Variants in GRK5 observed in about 807,000 individuals in gnomAD.
GRK5 encodes the protein g protein-coupled receptor kinase GRK5.
Under a neutral mutation model 78.4 loss-of-function variants are expected in GRK5, and 40 were observed. That is an observed-to-expected ratio of 0.51 (90% CI 0.40 to 0.66). GRK5 has a LOEUF of 0.66. GRK5 is among the 30% of genes least tolerant of loss of function. The pLI is 0.00. For missense variants in GRK5, 598 were observed against 759.9 expected, an observed-to-expected ratio of 0.79 and a Z score of 2.50; for synonymous variants, 289 against 296.8, an observed-to-expected ratio of 0.97 and a Z score of 0.27.
At chr10:119,265,593 T>G (rs1456825529) in intron 1 of GRK5, among the ~76,000 whole-genome samples, 1 of 152,168 alleles carries the variant, frequency 6.6e-6, no homozygotes, top group Non-Finnish European at 1.5e-5. Flanking sequence ...ATATTGGACT[T>G]CCTAACTTTT....
At position 119,397,274 on chromosome 10, in the gene GRK5, C is replaced by T. The variant is rs114834129; in HGVS notation, c.339+502C>T. On this transcript the variant is annotated intron_variant, in intron 4 of 15. Coordinates refer to ENST00000392870, the MANE Select transcript of GRK5 (RefSeq NM_005308.3). The stretch of plus-strand genomic sequence containing the variant: ...GTCAGGGGCCACCCCGACCCCACCT[C>T]GGGGCCACCCACTGGATAGTTGAAG... Among the ~76,000 whole-genome samples, 171 of 152,318 alleles carry T rather than the reference C, an allele frequency of 1.1e-3. 2 individuals are homozygous for T. Among genetic ancestry groups the T allele is most frequent in the African/African-American group, 3.8e-3 (158 of 41,574 alleles).
At chr10:119,261,186 C>G (rs1428858550) in intron 1 of GRK5, among the ~76,000 whole-genome samples, 1 of 144,406 alleles carries the variant, frequency 6.9e-6, no homozygotes, top group Non-Finnish European at 1.5e-5. Context: ...TCAAACGGGG[C>G]GGCTGCCGGG....
chr10:119,453,122 T>G, intron 14 of GRK5, 23 bp from the exon 15 acceptor site: 1 of 1,453,578 alleles, frequency 6.9e-7, no homozygotes, highest in Non-Finnish European at 9.7e-7. Context: ...ACGGCCTGTG[T>G]TTTGTTTTCA....
intron 2 of GRK5, among the ~76,000 whole-genome samples, chr10:119,338,732 C>T (rs1211066929): frequency 2.6e-5 from 4 of 152,186 alleles, no homozygotes; most frequent in African/African-American, 9.6e-5. Flanking sequence ...CCCCCGGTCT[C>T]TCCCAACCTA....
rs997744140 is a variant in GRK5 at position 119,340,139 on chromosome 10, G to GT, written c.148+13534dup. 7.9e-5 allele frequency among the ~76,000 whole-genome samples: 12 copies of GT among 151,810 alleles called. No homozygotes were observed. In the East Asian group the frequency reaches 1.9e-3, roughly 24 times the overall value. ...TTGTTTGTTTGTTTTGTTTTGTTTT[G>GT]TTTTTTGAGACAGAGTCTCACTCCG... On this transcript the variant is annotated intron_variant, in intron 2 of 15. Transcript: ENST00000392870.
At chr10:119,234,280 C>T (rs1848881712) in intron 1 of GRK5, among the ~76,000 whole-genome samples, 1 of 152,220 alleles carries the variant, frequency 6.6e-6, no homozygotes. Context: ...AGGGTTTGAA[C>T]CCAGCCCGTT....
intron 4 of GRK5, among the ~76,000 whole-genome samples, chr10:119,399,150 C>T (rs1852105822): frequency 6.6e-6 from 1 of 152,216 alleles, no homozygotes; most frequent in African/African-American, 2.4e-5. Flanking sequence ...TGCCTCAGAG[C>T]CTGCCAGCAT....
chr10:119,210,341 C>G (rs537712291), intron 1 of GRK5, among the ~76,000 whole-genome samples: 4 of 152,328 alleles, frequency 2.6e-5, no homozygotes, highest in African/African-American at 9.6e-5. Context: ...CCTTCTTTCT[C>G]TCTTATGCCT....
At chr10:119,390,233 C>A (rs1851865518) in intron 3 of GRK5, among the ~76,000 whole-genome samples, 1 of 152,078 alleles carries the variant, frequency 6.6e-6, no homozygotes, top group African/African-American at 2.4e-5. Flanking sequence ...CTTTTAAAGA[C>A]ATACCCAAGA....
At chr10:119,228,380 C>G (rs1199885404) in intron 1 of GRK5, among the ~76,000 whole-genome samples, 2 of 149,896 alleles carry the variant, frequency 1.3e-5, no homozygotes, top group Non-Finnish European at 3.0e-5. Flanking sequence ...CCAACCCGCC[C>G]CCCCGCAAAA....
At chr10:119,443,481 T>A in intron 11 of GRK5, 63 bp from the exon 12 acceptor site, 1 of 1,470,472 alleles carries the variant, frequency 6.8e-7, no homozygotes, top group East Asian at 2.3e-5. Context: ...CCAGGCCTTC[T>A]GTGAGCAGCG....
chr10:119,415,189 G>A (rs780070591), intron 4 of GRK5, among the ~76,000 whole-genome samples: 2 of 152,060 alleles, frequency 1.3e-5, no homozygotes, highest in African/African-American at 4.8e-5. Context: ...CTGGAAGAAC[G>A]GTCCTGCCTG....
At chr10:119,231,380 A>C (rs1325799815) in intron 1 of GRK5, among the ~76,000 whole-genome samples, 1 of 152,106 alleles carries the variant, frequency 6.6e-6, no homozygotes, top group Non-Finnish European at 1.5e-5. Context: ...ACATCTAAAC[A>C]TAAAAAAAGA....
At chr10:119,433,699 G>T (rs1018374516) in intron 8 of GRK5, among the ~76,000 whole-genome samples, 1 of 152,182 alleles carries the variant, frequency 6.6e-6, no homozygotes, top group Non-Finnish European at 1.5e-5. Context: ...CGATGGCCGG[G>T]TTTCATGTGT....
At chr10:119,380,224 G>A (rs927568804) in intron 2 of GRK5, among the ~76,000 whole-genome samples, 2 of 152,170 alleles carry the variant, frequency 1.3e-5, no homozygotes, top group African/African-American at 4.8e-5. Flanking sequence ...TACAGGCATG[G>A]TTTGATCCAG....
rs1057241473 is a variant in GRK5, at chr10:119,306,393, G to A, written c.53-20123G>A. On this transcript the variant is annotated intron_variant, in intron 1 of 15. Transcript: ENST00000392870. ...CTTCCTGTGTGCTTCAGCTTGGGGC[G>A]CATGTGCGCTTCTTCTAGGATTTTC... Among the ~76,000 whole-genome samples, 5 of 152,176 alleles carry A rather than the reference G, an allele frequency of 3.3e-5. No homozygotes were observed. In the South Asian group the frequency reaches 6.2e-4, roughly 19 times the overall value.
At chr10:119,442,275 C>G (rs1408821714) in intron 11 of GRK5, among the ~76,000 whole-genome samples, 187 bp downstream of exon 11, 1 of 152,180 alleles carries the variant, frequency 6.6e-6, no homozygotes, top group Non-Finnish European at 1.5e-5. Context: ...GCACAGGGGC[C>G]CCAGATGTGA....
chr10:119,344,227 C>T (rs182451774), intron 2 of GRK5, among the ~76,000 whole-genome samples: 131 of 151,764 alleles, frequency 8.6e-4, no homozygotes, highest in African/African-American at 3.0e-3. Flanking sequence ...ATGTGCACAA[C>T]GTGTGGGTTT....
intron 2 of GRK5, among the ~76,000 whole-genome samples, chr10:119,344,948 C>T (rs1323444537): frequency 9.4e-6 from 1 of 106,660 alleles, no homozygotes; most frequent in African/African-American, 3.3e-5. Flanking sequence ...TCCTCCCTCC[C>T]TCCCTCCCTC....
Sources: allele counts gnomAD v4.1 joint callset (sites outside exome capture counted in the v4.1 genomes callset), GRCh38; gene constraint gnomAD v4.1.1; transcripts MANE v1.5; gene names NCBI Gene and HGNC (gene_info 2026-07-23, HGNC 2026-07-21).